The following ASTN1 variants were observed in gnomAD, a reference collection of about 807,000 sequenced individuals.
ASTN1 encodes the protein astrotactin-1.
In ASTN1, 41 loss-of-function variants were observed where a neutral mutation model predicts 140.7. The ratio of observed to expected loss-of-function variants is 0.29; its 90% CI spans 0.23 to 0.38. The LOEUF is 0.38. ASTN1 is among the 10% of genes least tolerant of loss of function. The pLI, the probability that ASTN1 is intolerant of heterozygous loss-of-function variation, is 1.00. For missense variants in ASTN1, 1,479 were observed against 1,678.8 expected (o/e 0.88, Z 2.08); for synonymous variants, 640 against 652.2 (o/e 0.98, Z 0.29).
At chr1:176,869,208 G>A (rs531153621) in intron 21 of ASTN1, among the ~76,000 whole-genome samples, 181 bp from the exon 22 acceptor site, 9 of 151,678 alleles carry the variant, frequency 5.9e-5, no homozygotes, top group South Asian at 4.2e-4. Flanking sequence ...ATATATGTGC[G>A]TATGTCAATG....
At chr1:177,153,422 G>A (rs1683122240) in intron 1 of ASTN1, among the ~76,000 whole-genome samples, 1 of 151,914 alleles carries the variant, frequency 6.6e-6, no homozygotes, top group Non-Finnish European at 1.5e-5. Context: ...AAATGACCCA[G>A]CCTCAGGTAC....
intron 2 of ASTN1, among the ~76,000 whole-genome samples, chr1:177,043,052 C>T (rs1032236790): frequency 6.6e-6 from 1 of 152,210 alleles, no homozygotes; most frequent in East Asian, 1.9e-4. Flanking sequence ...TCACACTTGT[C>T]AGGTTGTCAT....
intron 8 of ASTN1, among the ~76,000 whole-genome samples, chr1:177,003,041 C>G (rs1241982653): frequency 6.6e-6 from 1 of 151,928 alleles, no homozygotes. Flanking sequence ...ATATTCACAG[C>G]CAAATTCTAC....
intron 1 of ASTN1, among the ~76,000 whole-genome samples, chr1:177,127,091 C>A (rs1681692383): frequency 6.6e-6 from 1 of 152,014 alleles, no homozygotes; most frequent in Non-Finnish European, 1.5e-5. Context: ...TCAGACAAAT[C>A]TTATGCAGGT....
rs1667996640 is a variant in ASTN1 at position 176,862,320 on chromosome 1, C to T, written c.*1964G>A. On this transcript the variant is annotated 3_prime_UTR_variant, in exon 23 of 23. Transcript: ENST00000361833. ...AGTGAAACCACCCTGTGCTTTATCT[C>T]AGCCTCATCACAGGCTTCCTTCCCA... The T allele has an allele frequency of 1.0e-6, 1 of 985,360 alleles. No individual in the cohort carries two copies. The highest frequency in any genetic ancestry group is 4.7e-5 in the South Asian group (1 of 21,294). 61.0% of individuals were successfully genotyped at this position (985,360 alleles called of 1,614,324 possible).
rs778991797 is a variant in ASTN1, at chr1:176,876,517, C to T, written c.3463+20G>A. On this transcript the variant is annotated intron_variant, in intron 21 of 22. Transcript: ENST00000361833. The stretch of plus-strand genomic sequence containing the variant: ...CTGGGGCATCCCTTCAGAAACACTG[C>T]TAACTTCGATGTCTCTTACCTTGAG... The T allele has an allele frequency of 1.6e-5, 26 of 1,613,364 alleles. No homozygotes were observed. The South Asian group carries it at 2.7e-4, about 17-fold the overall frequency.
At chr1:177,162,805 A>C (rs1647462249) in intron 1 of ASTN1, among the ~76,000 whole-genome samples, 1 of 152,212 alleles carries the variant, frequency 6.6e-6, no homozygotes, top group African/African-American at 2.4e-5. Flanking sequence ...TCCATCCTCC[A>C]AATAACCCAG....
At chr1:176,953,640 G>A (rs1672284668) in intron 11 of ASTN1, among the ~76,000 whole-genome samples, 1 of 152,206 alleles carries the variant, frequency 6.6e-6, no homozygotes, top group Non-Finnish European at 1.5e-5. Context: ...ATCTGTGATG[G>A]TCTCCGCACA....
intron 2 of ASTN1, among the ~76,000 whole-genome samples, chr1:177,047,853 C>T (rs924934267): frequency 6.6e-6 from 1 of 152,170 alleles, no homozygotes; most frequent in African/African-American, 2.4e-5. Context: ...TGAAATCCAT[C>T]TGTCCCTAAA....
At chr1:177,038,742 G>T (rs535586846) in intron 2 of ASTN1, among the ~76,000 whole-genome samples, 1 of 151,910 alleles carries the variant, frequency 6.6e-6, no homozygotes. Flanking sequence ...AAGATAATGC[G>T]GTGAATAACA....
intron 16 of ASTN1, among the ~76,000 whole-genome samples, chr1:176,917,237 T>G (rs775730612): frequency 3.9e-5 from 6 of 152,206 alleles, no homozygotes; most frequent in Non-Finnish European, 7.3e-5. Flanking sequence ...AGGGCAGGCA[T>G]AGTTCTTATT....
At chr1:176,945,364 T>C in intron 13 of ASTN1, among the ~76,000 whole-genome samples, 1 of 152,356 alleles carries the variant, frequency 6.6e-6, no homozygotes, top group East Asian at 1.9e-4. Context: ...AATATTAACA[T>C]ATTTTATAAA....
At chr1:176,944,091 T>G in intron 13 of ASTN1, 73 bp from the exon 14 acceptor site, 1 of 1,572,584 alleles carries the variant, frequency 6.4e-7, no homozygotes. Context: ...TTTTTTTTTT[T>G]TTTGAGACGG....
chr1:177,004,217 T>C (rs1314999854), intron 8 of ASTN1, among the ~76,000 whole-genome samples: 3 of 151,850 alleles, frequency 2.0e-5, no homozygotes, highest in South Asian at 2.1e-4. Flanking sequence ...CAATCTCTTT[T>C]ACAATAGCGA....
chr1:177,111,909 G>A (rs977790542), intron 1 of ASTN1, among the ~76,000 whole-genome samples: 18 of 152,070 alleles, frequency 1.2e-4, no homozygotes, highest in Admixed American at 9.8e-4. Flanking sequence ...CACAGGGGTC[G>A]GCAACACTGG....
downstream of ASTN1, among the ~76,000 whole-genome samples, chr1:176,859,109 G>A (rs536631460): frequency 1.3e-5 from 2 of 152,240 alleles, no homozygotes; most frequent in South Asian, 2.1e-4. Context: ...CAAATACAAA[G>A]GGACAGAAAA....
chr1:177,116,041 GTATCTCAGCATC>G (rs1681071568), intron 1 of ASTN1, among the ~76,000 whole-genome samples: 1 of 152,124 alleles, frequency 6.6e-6, no homozygotes, highest in South Asian at 2.1e-4. Context: ...ACCTTCTAAT[GTATCTCAGCATC>G]TAGGATTCCT....
At chr1:177,077,143 C>T (rs528389858) in intron 1 of ASTN1, among the ~76,000 whole-genome samples, 1 of 152,186 alleles carries the variant, frequency 6.6e-6, no homozygotes, top group Non-Finnish European at 1.5e-5. Context: ...CTGCATGCCG[C>T]GTTCACTTCT....
chr1:177,021,648 T>C (rs1158431504), intron 7 of ASTN1, among the ~76,000 whole-genome samples: 1 of 152,206 alleles, frequency 6.6e-6, no homozygotes. Context: ...AGTTTATCAT[T>C]GAGACCCCTC....
Sources: allele counts gnomAD v4.1 joint callset (sites outside exome capture counted in the v4.1 genomes callset), GRCh38; gene constraint gnomAD v4.1.1; transcripts MANE v1.5; gene names NCBI Gene and HGNC (gene_info 2026-07-23, HGNC 2026-07-21).